ADAMTSL1: variants seen among roughly 807,000 people sequenced by gnomAD.
ADAMTSL1 encodes the protein ADAMTS like 1, also known as ADAMTS-like protein 1.
In ADAMTSL1, 126 loss-of-function variants were observed where a neutral mutation model predicts 201.8. The ratio of observed to expected loss-of-function variants is 0.62; its 90% CI spans 0.54 to 0.72. The LOEUF is 0.72. Among genes scored for constraint, ADAMTSL1 ranks in the 30% least tolerant of loss-of-function variants. The pLI is 0.00. For synonymous variants in ADAMTSL1, 1,121 were observed against 903.4 expected (o/e 1.24, Z -4.32); for missense variants, 2,679 against 2,277.8 (o/e 1.18, Z -3.59).
chr9:18,188,933 A>G (rs1828855625), intron 2 of ADAMTSL1, among the ~76,000 whole-genome samples: 1 of 152,132 alleles, frequency 6.6e-6, no homozygotes, highest in Non-Finnish European at 1.5e-5. Flanking sequence ...TAGTGAGGAA[A>G]CTGAGGCTTG....
chr9:18,129,235 G>T (rs72699461), intron 1 of ADAMTSL1, among the ~76,000 whole-genome samples: 1 of 152,148 alleles, frequency 6.6e-6, no homozygotes, highest in Admixed American at 6.5e-5. Flanking sequence ...AATCCTAAAA[G>T]TCTCTTTTGA....
chr9:18,282,738 A>C (rs894419316), intron 2 of ADAMTSL1, among the ~76,000 whole-genome samples: 4 of 152,146 alleles, frequency 2.6e-5, no homozygotes, highest in African/African-American at 9.7e-5. Context: ...TCTCTACTAA[A>C]AATACAAAAT....
At chr9:18,205,612 C>G (rs577079687) in intron 2 of ADAMTSL1, among the ~76,000 whole-genome samples, 1 of 152,200 alleles carries the variant, frequency 6.6e-6, no homozygotes, top group African/African-American at 2.4e-5. Context: ...CAAGCTAGGT[C>G]TCTCTGGTTC....
chr9:18,267,929 A>G (rs1832203556), intron 2 of ADAMTSL1, among the ~76,000 whole-genome samples: 1 of 152,148 alleles, frequency 6.6e-6, no homozygotes, highest in African/African-American at 2.4e-5. Context: ...TAATCTCACA[A>G]TATACAGATT....
intron 23 of ADAMTSL1, among the ~76,000 whole-genome samples, chr9:18,856,692 A>G (rs1243118927): frequency 6.6e-6 from 1 of 151,984 alleles, no homozygotes; most frequent in African/African-American, 2.4e-5. Context: ...TACTGGCCTC[A>G]AGCAATCCTC....
Position 18,447,617 on chromosome 9 carries a change from C to T in ADAMTSL1, c.208-57212C>T, listed in dbSNP as rs533468019. 1.4e-3 allele frequency among the ~76,000 whole-genome samples: 211 copies of T among 152,288 alleles called. 2 individuals are homozygous for T. Among genetic ancestry groups the T allele is most frequent in the African/African-American group, 4.8e-3 (198 of 41,558 alleles). ...AGGCACCTGATGCAAAACAAAATGTCTCGCAATTATAAGTGTGTGTTTGGA... is the reference window on the plus strand; with the variant it reads ...AGGCACCTGATGCAAAACAAAATGTTTCGCAATTATAAGTGTGTGTTTGGA... On this transcript the variant is annotated intron_variant, in intron 2 of 29. Coordinates refer to the ADAMTSL1 transcript ENST00000680146.
Position 18,093,156 on chromosome 9 carries a change from A to AT in ADAMTSL1, c.88-70698dup, listed in dbSNP as rs538164681. 5.9e-3 allele frequency among the ~76,000 whole-genome samples: 901 copies of AT among 151,968 alleles called. 13 individuals are homozygous for AT. The highest frequency in any genetic ancestry group is 0.017 in the African/African-American group (704 of 41,484). On this transcript the variant is annotated intron_variant, in intron 1 of 29. Coordinates refer to the ADAMTSL1 transcript ENST00000680146. ...AATAAGTTCCTGTAATGGATTTTTT[A>AT]TTTTTTTTGCAAATGCCAGGGAAGC...
intron 12 of ADAMTSL1, among the ~76,000 whole-genome samples, chr9:18,683,507 C>G (rs796912366): frequency 6.6e-6 from 1 of 151,984 alleles, no homozygotes; most frequent in Non-Finnish European, 1.5e-5. Context: ...GGATTACAGG[C>G]GTGAGCCTCC....
At chr9:17,999,652 G>A in intron 1 of ADAMTSL1, among the ~76,000 whole-genome samples, 1 of 148,858 alleles carries the variant, frequency 6.7e-6, no homozygotes, top group Non-Finnish European at 1.5e-5. Flanking sequence ...TGTGCCCATT[G>A]TGCAGGTTAG....
At chr9:18,651,484 G>A (rs1177251846) in intron 7 of ADAMTSL1, 4 of 152,222 alleles carry the variant, frequency 2.6e-5, no homozygotes, top group African/African-American at 9.6e-5. Context: ...GAATATCTAA[G>A]CTACCAAAGT....
At chr9:17,932,502 T>C (rs1588436944) in intron 1 of ADAMTSL1, among the ~76,000 whole-genome samples, 2 of 152,156 alleles carry the variant, frequency 1.3e-5, no homozygotes, top group South Asian at 4.1e-4. Context: ...GTCTTAGTGG[T>C]AAACTCATTT....
chr9:17,934,209 G>A (rs1050143670), intron 1 of ADAMTSL1, among the ~76,000 whole-genome samples: 4 of 152,116 alleles, frequency 2.6e-5, no homozygotes, highest in Non-Finnish European at 5.9e-5. Flanking sequence ...TGGCATCAAA[G>A]TCTTGTTGTC....
At chr9:18,671,510 A>G (rs1262356327) in intron 9 of ADAMTSL1, among the ~76,000 whole-genome samples, 1 of 152,204 alleles carries the variant, frequency 6.6e-6, no homozygotes, top group African/African-American at 2.4e-5. Flanking sequence ...AGGTAGCCCC[A>G]GTGTACAGTG....
intron 1 of ADAMTSL1, among the ~76,000 whole-genome samples, chr9:18,127,521 C>CAA (rs1554701988): frequency 2.7e-4 from 39 of 142,908 alleles, no homozygotes; most frequent in African/African-American, 9.3e-4. Context: ...CACACACACA[C>CAA]AACACATGCT....
At chr9:18,688,689 A>AAAAAATATATATATATATATATATAT (rs1554730404) in intron 13 of ADAMTSL1, among the ~76,000 whole-genome samples, 1 of 8,652 alleles carries the variant, frequency 1.2e-4, no homozygotes, top group Non-Finnish European at 2.2e-4. Flanking sequence ...AAAAAAAAAA[A>AAAAAATATATATATATATATATATAT]ATATATATAT....
rs1185069502 is a variant in ADAMTSL1, at chr9:18,614,600, C to T, written c.475-7643C>T. On this transcript the variant is annotated intron_variant, in intron 4 of 28. Coordinates refer to ENST00000380548, the MANE Select transcript of ADAMTSL1 (RefSeq NM_001040272.6). The stretch of plus-strand genomic sequence containing the variant: ...TTTCCCTCCTGTCTTTCTCCTCCTC[C>T]GTGCCCCTTTGACCTTTAGTTATAC... 4.6e-5 allele frequency among the ~76,000 whole-genome samples: 7 copies of T among 152,128 alleles called. No individual in the cohort carries two copies. The East Asian group carries it at 7.7e-4, about 17-fold the overall frequency.
At chr9:18,883,741 G>T (rs1039240777) in intron 23 of ADAMTSL1, among the ~76,000 whole-genome samples, 3 of 152,146 alleles carry the variant, frequency 2.0e-5, no homozygotes, top group African/African-American at 7.2e-5. Context: ...TGTAGCATAT[G>T]TCAGAATGTC....
At chr9:18,002,919 A>G (rs760075994) in intron 1 of ADAMTSL1, among the ~76,000 whole-genome samples, 2 of 152,042 alleles carry the variant, frequency 1.3e-5, no homozygotes, top group Non-Finnish European at 2.9e-5. Flanking sequence ...TTCACTTGCT[A>G]TTACACTGTG....
chr9:18,476,266 T>A (rs946396762), intron 1 of ADAMTSL1, among the ~76,000 whole-genome samples: 1 of 152,106 alleles, frequency 6.6e-6, no homozygotes, highest in African/African-American at 2.4e-5. Flanking sequence ...CTTACAATAA[T>A]CATACAGATA....
Sources: gnomAD v4.1 joint callset for allele counts (sites outside exome capture counted in the v4.1 genomes callset) on GRCh38, gnomAD v4.1.1 for gene constraint, MANE v1.5 for transcripts, NCBI Gene and HGNC (gene_info 2026-07-23, HGNC 2026-07-21) for gene names.